Variants in FOLH1 observed in about 807,000 individuals in gnomAD.
FOLH1 encodes folate hydrolase 1, also known as glutamate carboxypeptidase 2.
In FOLH1, 54 loss-of-function variants were observed where a neutral mutation model predicts 93.9. That is an observed-to-expected ratio of 0.57 (90% confidence interval 0.46 to 0.72). The LOEUF is 0.72. FOLH1 is among the 30% of genes least tolerant of loss of function. The pLI is 0.00. For synonymous variants in FOLH1, 249 were observed against 303.6 expected (o/e 0.82, Z 1.87); for missense variants, 571 against 892.5 (o/e 0.64, Z 4.59).
chr11:49,155,545 T>G (rs1182227761), intron 15 of FOLH1: 8 of 239,414 alleles, frequency 3.3e-5, no homozygotes, highest in East Asian at 1.5e-4. Context: ...TTTTTATAAC[T>G]GTGAGAATGA....
intron 10 of FOLH1, among the ~76,000 whole-genome samples, chr11:49,173,131 T>A (rs1859563614): frequency 1.3e-5 from 2 of 152,156 alleles, no homozygotes; most frequent in African/African-American, 4.8e-5. Context: ...TATAATTCCT[T>A]TATTTCAGAT....
chr11:49,177,761 A>G (rs1345004724), intron 7 of FOLH1, among the ~76,000 whole-genome samples: 3 of 148,870 alleles, frequency 2.0e-5, no homozygotes, highest in Non-Finnish European at 4.5e-5. Flanking sequence ...CAGCCCGACC[A>G]ACATGGAGAA....
chr11:49,179,191 A>G (rs1283205870), intron 7 of FOLH1, among the ~76,000 whole-genome samples: 2 of 152,224 alleles, frequency 1.3e-5, no homozygotes, highest in Non-Finnish European at 2.9e-5. Flanking sequence ...TTCCAGGCAC[A>G]GAGGCAGGCA....
rs1202140986 is a variant in FOLH1, at chr11:49,192,988, G to A, written c.412-94C>T. 3.8e-6 allele frequency: 4 copies of A among 1,049,824 alleles called. No homozygotes were observed. In the African/African-American group the frequency reaches 6.6e-5, roughly 17 times the overall value. The allele number at this position is 1,049,824 out of a possible 1,614,324, so 65.0% of individuals were successfully genotyped here. On this transcript the variant is annotated intron_variant, in intron 3 of 18. Coordinates refer to ENST00000256999, the MANE Select transcript of FOLH1 (RefSeq NM_004476.3). Reference sequence around the variant, plus strand: ...AAAATGAATATTATCTTTTATGTCAGTAGAGGGTGAATGAATCCTTCAGGA... The same window carrying A: ...AAAATGAATATTATCTTTTATGTCAATAGAGGGTGAATGAATCCTTCAGGA...
At chr11:49,154,553 C>A in intron 15 of FOLH1, 61 bp from the exon 16 acceptor site, 1 of 1,556,480 alleles carries the variant, frequency 6.4e-7, no homozygotes, top group East Asian at 2.3e-5. Context: ...TGATTAGCAC[C>A]ATATTTACTA....
chr11:49,153,959 A>G (rs1422567424), intron 16 of FOLH1, 32 bp from the exon 17 acceptor site: 1 of 1,541,886 alleles, frequency 6.5e-7, no homozygotes, highest in Admixed American at 1.8e-5. Context: ...TCAAATGCTT[A>G]AAGAACATAA....
chr11:49,200,937 T>C (rs1205614019), intron 2 of FOLH1, among the ~76,000 whole-genome samples: 1 of 152,134 alleles, frequency 6.6e-6, no homozygotes, highest in African/African-American at 2.4e-5. Flanking sequence ...CAAAGAATAA[T>C]CTGAACATAC....
rs1467401298 is a variant in FOLH1 at position 49,156,598 on chromosome 11, T to C, written c.1623+119A>G. 4.1e-5 allele frequency: 40 copies of C among 975,128 alleles called. No homozygotes were observed. The East Asian group carries it at 9.9e-4, about 24-fold the overall frequency. 60.4% of individuals were successfully genotyped at this position (975,128 alleles called of 1,614,324 possible). Reference sequence around the variant, plus strand: ...TGATACTGTCAACCATTGAGACTTCTCCCTCTGCTTTCAAATTTCTCTATT... The same window carrying C: ...TGATACTGTCAACCATTGAGACTTCCCCCTCTGCTTTCAAATTTCTCTATT... On this transcript the variant is annotated intron_variant, in intron 15 of 18. Coordinates refer to ENST00000256999, the MANE Select transcript of FOLH1 (RefSeq NM_004476.3).
chr11:49,160,736 C>T, intron 13 of FOLH1, among the ~76,000 whole-genome samples: 1 of 152,170 alleles, frequency 6.6e-6, no homozygotes, highest in Non-Finnish European at 1.5e-5. Context: ...GCCACCACAC[C>T]TGGCCAGATA....
At position 49,148,619 on chromosome 11, in the gene FOLH1, G is replaced by A; in HGVS notation, c.2063+20C>T. On this transcript the variant is annotated intron_variant, in intron 18 of 18. Coordinates refer to ENST00000256999, the MANE Select transcript of FOLH1 (RefSeq NM_004476.3). ...AGAAAAAGTGATATTACAGAAAGGA[G>A]TCATATTTTCTTTTCTTACCTATAA... 12 of 1,501,008 alleles carry A rather than the reference G, an allele frequency of 8.0e-6. No homozygotes were observed. Among genetic ancestry groups the A allele is most frequent in the Non-Finnish European group, 1.0e-5 (11 of 1,101,266 alleles). The allele number at this position is 1,501,008 out of a possible 1,614,324, so 93.0% of individuals were successfully genotyped here.
chr11:49,203,125 T>A (rs2135331825), intron 2 of FOLH1, among the ~76,000 whole-genome samples: 1 of 152,368 alleles, frequency 6.6e-6, no homozygotes, highest in African/African-American at 2.4e-5. Context: ...TGTGATTTCA[T>A]TGGGCCTATA....
At chr11:49,171,524 T>G (rs570775127) in intron 10 of FOLH1, among the ~76,000 whole-genome samples, 1 of 152,138 alleles carries the variant, frequency 6.6e-6, no homozygotes, top group East Asian at 1.9e-4. Context: ...CATAAAACAT[T>G]CTAATAGGTT....
chr11:49,160,557 C>T (rs1381735683), intron 13 of FOLH1, among the ~76,000 whole-genome samples: 13 of 151,904 alleles, frequency 8.6e-5, no homozygotes, highest in African/African-American at 3.1e-4. Flanking sequence ...ATTCTCCTGC[C>T]TCAGCCTCCC....
intron 2 of FOLH1, among the ~76,000 whole-genome samples, chr11:49,205,148 G>C (rs1398975171): frequency 1.3e-5 from 2 of 151,824 alleles, no homozygotes; most frequent in African/African-American, 2.4e-5. Flanking sequence ...AGGTTACAGT[G>C]AGCTGAGATC....
At position 49,153,829 on chromosome 11, in the gene FOLH1, A is replaced by G. The variant is rs1196208344; in HGVS notation, c.1970+17T>C. On this transcript the variant is annotated intron_variant, in intron 17 of 18. Coordinates refer to ENST00000256999, the MANE Select transcript of FOLH1 (RefSeq NM_004476.3). Reference sequence around the variant, plus strand: ...TACACACACATACACACATATGCACATATATGTAGAACATACTTGCTTTTG... The same window carrying G: ...TACACACACATACACACATATGCACGTATATGTAGAACATACTTGCTTTTG... 12 of 1,561,296 alleles carry G rather than the reference A, an allele frequency of 7.7e-6. No individual in the cohort carries two copies. The South Asian group carries it at 1.1e-4, about 14-fold the overall frequency.
At chr11:49,158,148 A>G (rs1203336628) in intron 13 of FOLH1, 105 bp from the exon 14 acceptor site, 10 of 954,800 alleles carry the variant, frequency 1.0e-5, no homozygotes, top group Non-Finnish European at 1.5e-5. Context: ...TTCAGCAAAA[A>G]CAAGGGATGC....
chr11:49,169,145 G>T (rs1480055396), intron 12 of FOLH1, 50 bp downstream of exon 12: 4 of 1,580,356 alleles, frequency 2.5e-6, no homozygotes, highest in Middle Eastern at 1.7e-4. Flanking sequence ...TAACTAGACT[G>T]CTGCTCCTAG....
At position 49,185,774 on chromosome 11, in the gene FOLH1, A is replaced by G. The variant is rs763074472; in HGVS notation, c.721T>C (p.Ser241Pro). Residue 241 changes from serine to proline, a missense_variant, in exon 6 of 19, where the codon TCC becomes CCC. Ser to Pro is a moderately conservative substitution (Grantham distance 74). Around this residue, in one of 2 missense-constraint regions of FOLH1, gnomAD observed 500 missense variants for 822.9 expected, o/e 0.61. Coordinates refer to ENST00000256999, the MANE Select transcript of FOLH1 (RefSeq NM_004476.3). ...PADYFAPGVKSYPDGWNLPGG... is the reference protein window; with the variant it reads ...PADYFAPGVKPYPDGWNLPGG... Reference sequence around the variant, plus strand: ...GGAAGATTCCAACCATCTGGATAGGACTTCACCCCAGGAGCAAAGTAGTCA... The same window carrying G: ...GGAAGATTCCAACCATCTGGATAGGGCTTCACCCCAGGAGCAAAGTAGTCA... 3.7e-6 allele frequency: 6 copies of G among 1,610,312 alleles called. No individual in the cohort carries two copies. Among genetic ancestry groups the G allele is most frequent in the Non-Finnish European group, 5.1e-6 (6 of 1,178,706 alleles).
At chr11:49,148,536 C>T (rs1426661650) in intron 18 of FOLH1, 103 bp downstream of exon 18, 1 of 846,464 alleles carries the variant, frequency 1.2e-6, no homozygotes, top group East Asian at 2.9e-5. Context: ...TTTCTATTTG[C>T]TTGCAAGAAA....
Sources: gnomAD v4.1 joint callset for allele counts (sites outside exome capture counted in the v4.1 genomes callset) on GRCh38, gnomAD v4.1.1 for gene constraint, gnomAD v4.1.1 regional missense constraint, MANE v1.5 for transcripts, NCBI Gene and HGNC (gene_info 2026-07-23, HGNC 2026-07-21) for gene names.